Variants in CAST observed in about 807,000 individuals in gnomAD.
The protein encoded by CAST is calpastatin, also known as MIR583 host.
In CAST, 76 loss-of-function variants were observed where a neutral mutation model predicts 119.6. The observed-to-expected ratio is 0.64, with a 90% confidence interval of 0.53 to 0.77. The LOEUF (loss-of-function observed/expected upper bound fraction) is 0.77, where lower values mean the gene tolerates loss of function less well. Among genes scored for constraint, CAST ranks in the 30% least tolerant of loss-of-function variants. The probability of loss-of-function intolerance (pLI) is 0.00; values close to 1 mark genes in which losing one functional copy is unlikely to be tolerated. For missense variants in CAST, 953 were observed against 946.5 expected (o/e 1.01, Z -0.09); for synonymous variants, 319 against 331.6 (o/e 0.96, Z 0.41).
intron 10 of CAST, among the ~76,000 whole-genome samples, chr5:96,736,981 C>T (rs948973002): frequency 6.6e-6 from 1 of 152,178 alleles, no homozygotes; most frequent in African/African-American, 2.4e-5. Flanking sequence ...ACACTTTCTT[C>T]ACAAGGCAGC....
chr5:95,998,266 A>T, the CAST span, among the ~76,000 whole-genome samples: 6 of 151,886 alleles, frequency 4.0e-5, no homozygotes, highest in South Asian at 2.1e-4. Context: ...TTAAATTTAA[A>T]TTTTTTTATA....
At chr5:96,168,793 G>T in the CAST span, among the ~76,000 whole-genome samples, 566 of 152,290 alleles carry the variant, frequency 3.7e-3, 3 homozygotes, top group African/African-American at 0.013. Context: ...AGGAACAATG[G>T]TAATTGTGGG....
intron 1 of CAST, chr5:96,663,023 T>C (rs1043857639): frequency 4.3e-6 from 3 of 691,016 alleles, no homozygotes; most frequent in Admixed American, 2.0e-5. Flanking sequence ...TGTGCGGAGC[T>C]CAGTGCCAGC....
intron 3 of CAST, chr5:96,702,822 G>A (rs1346927591): frequency 4.1e-6 from 4 of 985,348 alleles, no homozygotes; most frequent in African/African-American, 1.7e-5. Flanking sequence ...CTGGGCTGGA[G>A]CTCCAAGCGG....
At chr5:96,515,402 G>A in the CAST span, among the ~76,000 whole-genome samples, 2 of 151,994 alleles carry the variant, frequency 1.3e-5, no homozygotes, top group Admixed American at 1.3e-4. Context: ...GTCATTTTGG[G>A]ACCATAAAGT....
chr5:96,749,664 A>G (rs1330189068), intron 19 of CAST, among the ~76,000 whole-genome samples: 1 of 152,156 alleles, frequency 6.6e-6, no homozygotes, highest in Non-Finnish European at 1.5e-5. Context: ...CTCTCGCCTC[A>G]GCCTCCTGAG....
chr5:96,504,312 A>G, the CAST span, among the ~76,000 whole-genome samples: 2 of 152,120 alleles, frequency 1.3e-5, no homozygotes, highest in Admixed American at 1.3e-4. Context: ...CTCATTTCCC[A>G]TACACGATGG....
the CAST span, among the ~76,000 whole-genome samples, chr5:96,245,229 A>T: frequency 6.6e-6 from 1 of 152,222 alleles, no homozygotes; most frequent in African/African-American, 2.4e-5. Flanking sequence ...TTGCTGAAGA[A>T]AAACTGGATA....
chr5:95,976,464 C>T, the CAST span, among the ~76,000 whole-genome samples: 186 of 151,828 alleles, frequency 1.2e-3, no homozygotes, highest in Middle Eastern at 0.014. Context: ...TGAATGAATC[C>T]CTGTGCTTGT....
chr5:96,535,337 A>G (rs1051814928), intron 1 of CAST, among the ~76,000 whole-genome samples: 10 of 152,182 alleles, frequency 6.6e-5, no homozygotes, highest in African/African-American at 2.4e-4. Flanking sequence ...TGGGAAGAAT[A>G]TAAGGGAGCT....
chr5:96,369,052 T>G, the CAST span, among the ~76,000 whole-genome samples: 3 of 152,002 alleles, frequency 2.0e-5, no homozygotes, highest in Non-Finnish European at 4.4e-5. Context: ...TTAATGATTA[T>G]TTCATCCATG....
chr5:96,010,713 T>C, the CAST span, among the ~76,000 whole-genome samples: 15 of 152,360 alleles, frequency 9.8e-5, no homozygotes, highest in African/African-American at 3.4e-4. Flanking sequence ...ATTTAAACAA[T>C]ATTGATTCTT....
chr5:96,454,416 GA>G, the CAST span, among the ~76,000 whole-genome samples: 2 of 152,200 alleles, frequency 1.3e-5, no homozygotes, highest in Middle Eastern at 3.2e-3. Flanking sequence ...TAACACAAAA[GA>G]GGTGCTGGTA....
the CAST span, among the ~76,000 whole-genome samples, chr5:96,098,161 T>C: frequency 3.3e-5 from 5 of 152,226 alleles, no homozygotes; most frequent in Non-Finnish European, 7.3e-5. Flanking sequence ...CTTTGCCCAC[T>C]TTTTAATGGG....
In CAST at chr5:96,567,669, T is replaced by C. The variant is rs147185093; in HGVS notation, c.60+37789T>C. 4.1e-3 allele frequency among the ~76,000 whole-genome samples: 618 copies of C among 152,336 alleles called. 3 individuals carry two copies. Among genetic ancestry groups the C allele is most frequent in the South Asian group, 0.027 (128 of 4,818 alleles). ...ATTGTTGACCCCTTGAGATCAGGCT[T>C]CCCGTTCTTTTCTTCTTTTCATGTA... On this transcript the variant is annotated intron_variant, in intron 1 of 11. Transcript: ENST00000505143.
chr5:96,393,131 G>A, the CAST span: 1 of 1,614,184 alleles, frequency 6.2e-7, no homozygotes. Context: ...TTTAAGCTGG[G>A]AAGGTTTGTT....
chr5:96,512,579 T>C, the CAST span, among the ~76,000 whole-genome samples: 1 of 152,194 alleles, frequency 6.6e-6, no homozygotes, highest in Non-Finnish European at 1.5e-5. Context: ...CCTATAAAAA[T>C]TGGGTGAGTT....
chr5:96,676,625 G>T (rs1485951772), intron 2 of CAST, among the ~76,000 whole-genome samples: 1 of 151,662 alleles, frequency 6.6e-6, no homozygotes, highest in East Asian at 1.9e-4. Context: ...AGCCATGAAA[G>T]GCAAATGTTT....
chr5:95,985,817 C>G, the CAST span, among the ~76,000 whole-genome samples: 3 of 152,094 alleles, frequency 2.0e-5, no homozygotes, highest in African/African-American at 7.2e-5. Flanking sequence ...AAAAACTGGC[C>G]TAGGGGTTGG....
Sources: gnomAD v4.1 joint callset for allele counts (sites outside exome capture counted in the v4.1 genomes callset) on GRCh38, gnomAD v4.1.1 for gene constraint, MANE v1.5 for transcripts, NCBI Gene and HGNC (gene_info 2026-07-23, HGNC 2026-07-21) for gene names.